COL5A1: variants seen among roughly 807,000 people sequenced by gnomAD.
COL5A1 encodes the protein collagen type V alpha 1 chain.
COL5A1 carries 16 observed loss-of-function variants against 263.7 expected under a neutral mutation model. That is an observed-to-expected ratio of 0.06 (90% CI 0.04 to 0.09). COL5A1 has a LOEUF of 0.09. Among genes scored for constraint, COL5A1 ranks in the 10% least tolerant of loss-of-function variants. The pLI is 1.00. For synonymous variants in COL5A1, 1,012 were observed against 1,004.5 expected (o/e 1.01, Z -0.14); for missense variants, 2,036 against 2,540.5 (o/e 0.80, Z 4.27).
intron 16 of COL5A1, 113 bp from the exon 17 acceptor site, chr9:134,756,652 G>A: frequency 8.6e-7 from 1 of 1,168,444 alleles, no homozygotes; most frequent in East Asian, 2.3e-5. Context: ...TGACCTTGGG[G>A]GTGGGCGCGG....
intron 42 of COL5A1, among the ~76,000 whole-genome samples, chr9:134,807,968 A>G (rs1187938855): frequency 6.6e-6 from 1 of 152,176 alleles, no homozygotes; most frequent in Admixed American, 6.5e-5. Context: ...TCCAGAGGGA[A>G]GGAAAGGCCA....
chr9:134,690,811 G>T, intron 1 of COL5A1, 101 bp from the exon 2 acceptor site: 1 of 1,409,732 alleles, frequency 7.1e-7, no homozygotes. Flanking sequence ...AGGATTCACA[G>T]TGGTGGGGGT....
At chr9:134,760,838 ATG>A (rs1836387886) in intron 18 of COL5A1, among the ~76,000 whole-genome samples, 1 of 144,448 alleles carries the variant, frequency 6.9e-6, no homozygotes, top group African/African-American at 2.6e-5. Context: ...ACATGCACAC[ATG>A]CATACACACA....
In COL5A1 at chr9:134,817,006, G is replaced by A. The variant is rs751725995; in HGVS notation, c.4123-20G>A. ...AACGGGCCCCAATTCCTCACACTCT[G>A]TTCTTTCTCCCAATACCAGGGATCC... On this transcript the variant is annotated intron_variant, in intron 52 of 65. Coordinates refer to ENST00000371817, the MANE Select transcript of COL5A1 (RefSeq NM_000093.5). 4.0e-5 allele frequency: 64 copies of A among 1,613,068 alleles called. No individual in the cohort carries two copies. The Middle Eastern group carries it at 4.9e-4, about 12-fold the overall frequency.
At chr9:134,733,736 T>A (rs1490495397) in intron 9 of COL5A1, among the ~76,000 whole-genome samples, 1 of 152,224 alleles carries the variant, frequency 6.6e-6, no homozygotes, top group Admixed American at 6.5e-5. Flanking sequence ...CCTGTTCTGC[T>A]CTGCCCAAGG....
rs199836060 is a variant in COL5A1, at chr9:134,728,820, C to T, written c.924+13C>T. ...AGAGGTCCCCGAGGTCTGGGCTGAG[C>T]GGGGGACTGGGTTGGGCTGGGCCCC... On this transcript the variant is annotated intron_variant, in intron 6 of 65. Transcript: ENST00000371817. The T allele has an allele frequency of 3.4e-4, 550 of 1,613,882 alleles. 3 individuals are homozygous for T. Among genetic ancestry groups the T allele is most frequent in the African/African-American group, 2.2e-3 (165 of 75,036 alleles).
At chr9:134,688,755 A>AT (rs936396538) in intron 1 of COL5A1, among the ~76,000 whole-genome samples, 1 of 152,070 alleles carries the variant, frequency 6.6e-6, no homozygotes, top group African/African-American at 2.4e-5. Flanking sequence ...TGGCTTCTTG[A>AT]TTTAATTGGC....
chr9:134,650,146 G>T (rs1397563749), intron 1 of COL5A1, among the ~76,000 whole-genome samples: 1 of 152,136 alleles, frequency 6.6e-6, no homozygotes, highest in Non-Finnish European at 1.5e-5. Context: ...TAACAAACCT[G>T]TGCGTTCTGT....
chr9:134,649,798 G>A (rs971323426), intron 1 of COL5A1, among the ~76,000 whole-genome samples: 3 of 152,158 alleles, frequency 2.0e-5, no homozygotes, highest in South Asian at 2.1e-4. Flanking sequence ...GCCCATCAAT[G>A]ATAGATTGGA....
intron 2 of COL5A1, among the ~76,000 whole-genome samples, chr9:134,699,616 C>T (rs958581451): frequency 3.3e-5 from 5 of 152,148 alleles, no homozygotes; most frequent in Admixed American, 6.5e-5. Context: ...ATGTGTTAGG[C>T]GCAGGAGCTG....
chr9:134,810,456 C>T (rs1429211392), intron 44 of COL5A1, 148 bp downstream of exon 44: 1 of 729,832 alleles, frequency 1.4e-6, no homozygotes, highest in South Asian at 1.7e-5. Flanking sequence ...ATGTGTGTTC[C>T]CACAACGTGT....
chr9:134,759,390 C>T (rs546484442), intron 18 of COL5A1, among the ~76,000 whole-genome samples: 1,875 of 143,272 alleles, frequency 0.013, 90 homozygotes, highest in African/African-American at 0.045. Flanking sequence ...CACATGCACA[C>T]ATACGCATAC....
intron 2 of COL5A1, 23 bp downstream of exon 2, chr9:134,691,102 T>C (rs1179749941): frequency 1.9e-6 from 3 of 1,611,402 alleles, no homozygotes; most frequent in East Asian, 2.2e-5. Flanking sequence ...CCCTTCTGTT[T>C]GGGGCGGTGG....
At chr9:134,761,463 T>C (rs1836440868) in intron 18 of COL5A1, among the ~76,000 whole-genome samples, 1 of 152,234 alleles carries the variant, frequency 6.6e-6, no homozygotes, top group Non-Finnish European at 1.5e-5. Context: ...AGCACAGCCA[T>C]GAAGGCTGTC....
In COL5A1 at chr9:134,732,873, A is replaced by G. The variant is rs183060619; in HGVS notation, c.1389+746A>G. 2.9e-4 allele frequency among the ~76,000 whole-genome samples: 44 copies of G among 152,302 alleles called. 1 individual carries two copies. Among genetic ancestry groups the G allele is most frequent in the African/African-American group, 1.0e-3 (42 of 41,576 alleles). The stretch of plus-strand genomic sequence containing the variant: ...GCCATGGCCTGGCTGGGAGGCCTCC[A>G]GTTCTCCCTGGGGTCTCAGAGCCAC... On this transcript the variant is annotated intron_variant, in intron 9 of 65. Coordinates refer to ENST00000371817, the MANE Select transcript of COL5A1 (RefSeq NM_000093.5).
chr9:134,699,165 C>T (rs1397919078), intron 2 of COL5A1, among the ~76,000 whole-genome samples: 1 of 152,164 alleles, frequency 6.6e-6, no homozygotes, highest in Non-Finnish European at 1.5e-5. Flanking sequence ...GTCATGCCCA[C>T]GGATGAGGGG....
chr9:134,797,551 C>T (rs181773855), intron 36 of COL5A1, among the ~76,000 whole-genome samples: 3 of 152,302 alleles, frequency 2.0e-5, no homozygotes, highest in Admixed American at 6.5e-5. Context: ...GGCTCGATCT[C>T]GGCTCACTGC....
chr9:134,760,057 C>G (rs570477442), intron 18 of COL5A1, among the ~76,000 whole-genome samples: 1 of 134,632 alleles, frequency 7.4e-6, no homozygotes, highest in Non-Finnish European at 1.6e-5. Context: ...CACCCACACA[C>G]CCCCACACTC....
intron 2 of COL5A1, among the ~76,000 whole-genome samples, chr9:134,694,676 C>T (rs185046814): frequency 5.3e-5 from 8 of 152,292 alleles, no homozygotes; most frequent in Admixed American, 3.3e-4. Flanking sequence ...GGTTGCTGAC[C>T]GATCATGGGT....
Sources: allele counts gnomAD v4.1 joint callset (sites outside exome capture counted in the v4.1 genomes callset), GRCh38; gene constraint gnomAD v4.1.1; transcripts MANE v1.5; gene names NCBI Gene and HGNC (gene_info 2026-07-23, HGNC 2026-07-21).